Variants in ESR1 observed in about 807,000 individuals in gnomAD.
The protein encoded by ESR1 is estrogen receptor.
ESR1 carries 12 observed loss-of-function variants against 52.7 expected under a neutral mutation model. That is an observed-to-expected ratio of 0.23 (90% CI 0.15 to 0.37). ESR1 has a LOEUF of 0.37. Among genes scored for constraint, ESR1 ranks in the 10% least tolerant of loss-of-function variants. The pLI is 1.00. For missense variants in ESR1, 584 were observed against 779.7 expected (o/e 0.75, Z 2.99); for synonymous variants, 305 against 316.8 (o/e 0.96, Z 0.39).
intron 3 of ESR1, among the ~76,000 whole-genome samples, chr6:151,932,571 G>T (rs1335498127): frequency 9.5e-6 from 1 of 105,224 alleles, no homozygotes; most frequent in Non-Finnish European, 1.9e-5. Flanking sequence ...TTCTTCTAGG[G>T]TTTTTATGGT....
chr6:151,927,410 T>C (rs2032922261), intron 3 of ESR1, among the ~76,000 whole-genome samples: 1 of 152,204 alleles, frequency 6.6e-6, no homozygotes, highest in Admixed American at 6.5e-5. Context: ...TTGTAGAGAA[T>C]TGGCACAATT....
intron 2 of ESR1, among the ~76,000 whole-genome samples, chr6:151,737,498 AT>A (rs1202731489): frequency 2.0e-5 from 3 of 152,098 alleles, no homozygotes; most frequent in Admixed American, 2.0e-4. Context: ...ATCAATGTGC[AT>A]TTTTTTGCGA....
At chr6:151,872,489 G>A (rs903451719) in intron 2 of ESR1, among the ~76,000 whole-genome samples, 2 of 152,040 alleles carry the variant, frequency 1.3e-5, no homozygotes, top group African/African-American at 4.8e-5. Context: ...AGATGTTTTG[G>A]TATGATTTTT....
chr6:151,916,587 G>T (rs1035872023), intron 3 of ESR1, among the ~76,000 whole-genome samples: 5 of 152,104 alleles, frequency 3.3e-5, no homozygotes, highest in African/African-American at 7.2e-5. Context: ...TTCTTTCGAT[G>T]ACCTCTCTAT....
intron 2 of ESR1, among the ~76,000 whole-genome samples, chr6:151,843,100 C>T (rs1198753623): frequency 6.6e-6 from 1 of 152,158 alleles, no homozygotes; most frequent in East Asian, 1.9e-4. Flanking sequence ...TGTCTGTGCC[C>T]TGACTGGGGA....
Position 152,122,296 on chromosome 6 carries a change from C to T in ESR1, c.851-2970C>T, listed in dbSNP as rs534516014. On this transcript the variant is annotated intron_variant, in intron 6 of 6. Transcript: ENST00000427531. ...CACCTCTGAAGCCATAATTTGCACACATGTGATCTGGAGGAGGGCTAAAGC... is the reference window on the plus strand; with the variant it reads ...CACCTCTGAAGCCATAATTTGCACATATGTGATCTGGAGGAGGGCTAAAGC... The T allele has an allele frequency of 3.7e-5, 49 of 1,339,646 alleles. 1 individual carries two copies. Among genetic ancestry groups the T allele is most frequent in the African/African-American group, 3.0e-4 (21 of 69,692 alleles). 83.0% of individuals were successfully genotyped at this position (1,339,646 alleles called of 1,614,324 possible).
intron 2 of ESR1, among the ~76,000 whole-genome samples, chr6:151,710,253 T>C (rs1243985071): frequency 6.6e-6 from 1 of 151,982 alleles, no homozygotes; most frequent in African/African-American, 2.4e-5. Context: ...TTATTTATAA[T>C]GTTAGCCTGG....
chr6:151,840,638 G>C (rs1784140898), intron 1 of ESR1, among the ~76,000 whole-genome samples: 1 of 152,228 alleles, frequency 6.6e-6, no homozygotes. Context: ...GGCTTGTGAA[G>C]GGGAGCGCCA....
At chr6:151,954,004 C>T (rs1424037074) in intron 4 of ESR1, among the ~76,000 whole-genome samples, 2 of 152,144 alleles carry the variant, frequency 1.3e-5, no homozygotes, top group African/African-American at 2.4e-5. Flanking sequence ...CCTTTCACCC[C>T]GCCTCTAGCC....
intron 2 of ESR1, among the ~76,000 whole-genome samples, chr6:151,849,507 G>A (rs1283725223): frequency 6.6e-6 from 1 of 152,070 alleles, no homozygotes; most frequent in Non-Finnish European, 1.5e-5. Context: ...AGCCAGTTGT[G>A]ATGGCATGTG....
intron 1 of ESR1, among the ~76,000 whole-genome samples, chr6:151,838,763 G>T (rs1783809586): frequency 6.6e-6 from 1 of 152,072 alleles, no homozygotes; most frequent in African/African-American, 2.4e-5. Flanking sequence ...GTTCCTTTAT[G>T]GTTAGTGAAT....
At chr6:151,994,163 A>C (rs2041268291) in intron 4 of ESR1, among the ~76,000 whole-genome samples, 1 of 152,124 alleles carries the variant, frequency 6.6e-6, no homozygotes. Context: ...AAAGTTTGAG[A>C]GTACTCAGTT....
chr6:152,120,451 G>A (rs1047844424), intron 6 of ESR1, among the ~76,000 whole-genome samples: 1 of 152,154 alleles, frequency 6.6e-6, no homozygotes, highest in Non-Finnish European at 1.5e-5. Flanking sequence ...TGGGCGGGGG[G>A]CGATCCATCG....
At position 151,985,322 on chromosome 6, in the gene ESR1, A is replaced by G. The variant is rs188391020; in HGVS notation, c.1097-26334A>G. On this transcript the variant is annotated intron_variant, in intron 4 of 7. Coordinates refer to ENST00000206249, the MANE Select transcript of ESR1 (RefSeq NM_000125.4). ...GGAGTTTGAGACCAGCCTGGCCAAC[A>G]TGGTGAAATCCTATCTCTACTAAAA... Among the ~76,000 whole-genome samples, 718 of 151,994 alleles carry G rather than the reference A, an allele frequency of 4.7e-3. 21 individuals carry two copies. Among genetic ancestry groups the G allele is most frequent in the Admixed American group, 0.033 (503 of 15,284 alleles).
chr6:152,093,077 G>A (rs2050314517), intron 6 of ESR1, among the ~76,000 whole-genome samples: 1 of 152,122 alleles, frequency 6.6e-6, no homozygotes, highest in South Asian at 2.1e-4. Context: ...AGGAGTTCAA[G>A]ACCAGCCTGC....
intron 4 of ESR1, among the ~76,000 whole-genome samples, chr6:151,989,955 A>G (rs1258848021): frequency 3.3e-5 from 5 of 152,076 alleles, no homozygotes; most frequent in Non-Finnish European, 7.3e-5. Flanking sequence ...CTTTCCGTGT[A>G]CAAATATGCA....
At position 151,725,846 on chromosome 6, in the gene ESR1, A is replaced by G. The variant is rs189147774; in HGVS notation, c.-71+23841A>G. Among the ~76,000 whole-genome samples the G allele has an allele frequency of 2.9e-4, 44 of 152,374 alleles. No individual in the cohort carries two copies. The South Asian group carries it at 2.9e-3, about 10-fold the overall frequency. ...AATAACAAATATTTATAGATGGTCAATATAGGAACTTGCAAATATTATTAA... is the reference window on the plus strand; with the variant it reads ...AATAACAAATATTTATAGATGGTCAGTATAGGAACTTGCAAATATTATTAA... On this transcript the variant is annotated intron_variant, in intron 2 of 2. Coordinates refer to the ESR1 transcript ENST00000404742.
chr6:151,694,585 C>T (rs1426595145), intron 1 of ESR1, among the ~76,000 whole-genome samples: 6 of 152,034 alleles, frequency 3.9e-5, no homozygotes, highest in African/African-American at 9.7e-5. Context: ...GTCAAGAGTT[C>T]GTGACCAGCC....
At chr6:152,007,335 A>G (rs2128761298) in intron 4 of ESR1, among the ~76,000 whole-genome samples, 2 of 152,058 alleles carry the variant, frequency 1.3e-5, no homozygotes, top group South Asian at 2.1e-4. Context: ...TGGAGGAAAA[A>G]CCGTTACTGT....
Sources: gnomAD v4.1 joint callset for allele counts (sites outside exome capture counted in the v4.1 genomes callset) on GRCh38, gnomAD v4.1.1 for gene constraint, MANE v1.5 for transcripts, NCBI Gene and HGNC (gene_info 2026-07-23, HGNC 2026-07-21) for gene names.